The following SHANK2 variants were observed in gnomAD, a reference collection of about 807,000 sequenced individuals.
SHANK2 encodes SH3 and multiple ankyrin repeat domains 2.
Under a neutral mutation model 133.7 loss-of-function variants are expected in SHANK2, and 43 were observed. That is an observed-to-expected ratio of 0.32 (90% CI 0.25 to 0.41). The LOEUF is 0.41. Ranked by LOEUF, SHANK2 falls within the 10% of genes least tolerant of loss-of-function variation. The pLI is 1.00. For synonymous variants in SHANK2, 1,017 were observed against 952.8 expected, an observed-to-expected ratio of 1.07 and a Z score of -1.24; for missense variants, 1,994 against 2,235.8, an observed-to-expected ratio of 0.89 and a Z score of 2.18.
At chr11:70,808,516 T>C (rs2135278581) in intron 12 of SHANK2, among the ~76,000 whole-genome samples, 1 of 147,714 alleles carries the variant, frequency 6.8e-6, no homozygotes. Flanking sequence ...TTGCCACTAT[T>C]TTAAAAAAGA....
At chr11:71,095,815 A>G (rs1179902936) in intron 6 of SHANK2, among the ~76,000 whole-genome samples, 3 of 152,238 alleles carry the variant, frequency 2.0e-5, no homozygotes, top group Admixed American at 6.5e-5. Flanking sequence ...TGATATGCAC[A>G]TGCTTAACCC....
At chr11:70,733,568 T>C (rs782787456) in intron 14 of SHANK2, among the ~76,000 whole-genome samples, 13 of 152,242 alleles carry the variant, frequency 8.5e-5, no homozygotes, top group Admixed American at 2.6e-4. Context: ...ATGGGGGTAC[T>C]GTCTGTGGCT....
intron 14 of SHANK2, among the ~76,000 whole-genome samples, chr11:70,700,647 C>T (rs1410731487): frequency 1.3e-5 from 2 of 152,184 alleles, no homozygotes; most frequent in African/African-American, 4.8e-5. Flanking sequence ...TCCCTGGCAT[C>T]CAGCATCTTG....
intron 1 of SHANK2, among the ~76,000 whole-genome samples, chr11:71,248,548 A>G (rs1346086596): frequency 1.3e-5 from 2 of 152,170 alleles, no homozygotes; most frequent in Admixed American, 1.3e-4. Flanking sequence ...AATGAATCGG[A>G]GCTGGCTCAT....
At chr11:71,185,879 A>G (rs1346570486) in intron 2 of SHANK2, among the ~76,000 whole-genome samples, 1 of 152,024 alleles carries the variant, frequency 6.6e-6, no homozygotes, top group East Asian at 1.9e-4. Flanking sequence ...GTGGGTGGGG[A>G]AAGAACAGCA....
chr11:70,716,950 G>C (rs1227477004), intron 14 of SHANK2, among the ~76,000 whole-genome samples: 1 of 142,576 alleles, frequency 7.0e-6, no homozygotes, highest in Admixed American at 7.1e-5. Flanking sequence ...GCTCTCCTCG[G>C]CCTTTGTGGG....
At chr11:70,919,408 G>A (rs1950316724) in intron 10 of SHANK2, among the ~76,000 whole-genome samples, 1 of 150,268 alleles carries the variant, frequency 6.7e-6, no homozygotes, top group Non-Finnish European at 1.5e-5. Flanking sequence ...TTGAGACCGA[G>A]TCTCACTCTG....
At chr11:70,876,243 G>GACACACACACACACACACAC (rs3064243) in intron 11 of SHANK2, among the ~76,000 whole-genome samples, 2 of 134,830 alleles carry the variant, frequency 1.5e-5, no homozygotes, top group Admixed American at 7.5e-5. Flanking sequence ...CACACATATA[G>GACACACACACACACACACAC]ACACACACAC....
At chr11:71,144,878 C>T (rs1171752310) in intron 3 of SHANK2, among the ~76,000 whole-genome samples, 11 of 152,314 alleles carry the variant, frequency 7.2e-5, no homozygotes, top group East Asian at 3.9e-4. Context: ...TTTGAGCCCA[C>T]GCTTACCAAG....
chr11:70,545,309 G>C (rs1199461480), intron 17 of SHANK2, among the ~76,000 whole-genome samples: 1 of 152,226 alleles, frequency 6.6e-6, no homozygotes, highest in Non-Finnish European at 1.5e-5. Flanking sequence ...GCTCCTGCCT[G>C]TCTGCAGCTC....
At chr11:71,246,700 G>T (rs1359381277) in intron 1 of SHANK2, among the ~76,000 whole-genome samples, 2 of 152,092 alleles carry the variant, frequency 1.3e-5, no homozygotes, top group Non-Finnish European at 2.9e-5. Context: ...ACATCCCTGA[G>T]GCTCTTTTAC....
chr11:71,094,572 T>C lies in SHANK2; in HGVS notation c.709A>G (p.Lys237Glu). The C allele has an allele frequency of 6.4e-7, 1 of 1,551,582 alleles. No individual in the cohort carries two copies. The highest frequency in any genetic ancestry group is 8.7e-7 in the Non-Finnish European group (1 of 1,146,942). Residue 237 changes from lysine to glutamate, a missense_variant, in exon 7 of 26, where the codon AAA (lysine) becomes GAA (glutamate). Around this residue, in one of 5 missense-constraint regions of SHANK2, gnomAD observed 653 missense variants for 563.4 expected, o/e 1.16. Transcript: ENST00000601538. Reference sequence around the variant, plus strand: ...ACTTGGTTCCTCGCTCGGGCAGCTTTGTGTAGGGCGGTCATCCCATCTTTG... The same window carrying C: ...ACTTGGTTCCTCGCTCGGGCAGCTTCGTGTAGGGCGGTCATCCCATCTTTG... ...RAKDGMTALH[K>E]AARARNQVAL... is the part of the protein sequence containing the mutation.
intron 14 of SHANK2, among the ~76,000 whole-genome samples, chr11:70,742,949 G>A (rs1555035085): frequency 6.6e-6 from 1 of 152,206 alleles, no homozygotes. Flanking sequence ...CTCCTGGCCT[G>A]GCGTCCTTGG....
At position 70,468,488 on chromosome 11, in the gene SHANK2, G is replaced by A. The variant is rs2058560041; in HGVS notation, c.*4381C>T. On this transcript the variant is annotated 3_prime_UTR_variant, in exon 26 of 26. Coordinates refer to ENST00000601538, the MANE Select transcript of SHANK2 (RefSeq NM_012309.5). ...CTGTGGAATGTTCACCTACTTGCAT[G>A]GGTTCATGGTTGTCTACAAATACAG... is the stretch of plus-strand genomic sequence containing the variant. The A allele has an allele frequency of 6.6e-6, 1 of 152,192 alleles. No individual in the cohort carries two copies. Among genetic ancestry groups the A allele is most frequent in the Admixed American group, 6.5e-5 (1 of 15,282 alleles). The allele number at this position is 152,192 out of a possible 1,614,324, so 9.4% of individuals were successfully genotyped here.
At chr11:71,244,264 G>T (rs1433990009) in intron 1 of SHANK2, among the ~76,000 whole-genome samples, 2 of 152,248 alleles carry the variant, frequency 1.3e-5, no homozygotes, top group African/African-American at 4.8e-5. Context: ...CACAATCAGA[G>T]GGCCTGCCCC....
At position 70,852,773 on chromosome 11, in the gene SHANK2, G is replaced by A. The variant is rs533725387; in HGVS notation, c.1175-32091C>T. ...CAGGAGAATCGCTTGAACCCAGGAG[G>A]CGGAGGTTGTGGTGAGCCGAGATCA... On this transcript the variant is annotated intron_variant, in intron 11 of 25. Coordinates refer to ENST00000601538, the MANE Select transcript of SHANK2 (RefSeq NM_012309.5). Among the ~76,000 whole-genome samples the A allele has an allele frequency of 3.3e-5, 5 of 152,338 alleles. No individual in the cohort carries two copies. In the South Asian group the frequency reaches 1.0e-3, roughly 32 times the overall value.
At chr11:70,878,045 A>T (rs1184246448) in intron 11 of SHANK2, among the ~76,000 whole-genome samples, 4 of 152,232 alleles carry the variant, frequency 2.6e-5, no homozygotes, top group African/African-American at 9.6e-5. Context: ...AGCGGTTCTG[A>T]GAATGGCTCA....
chr11:70,761,055 G>A lies in SHANK2; in HGVS notation c.1777+37388C>T, dbSNP rs782696381. ...GGAGAGGCCCCACTGGGAGGAGAGC[G>A]TGGGACCCTCCTCTATCAGTGTGCT... is the stretch of plus-strand genomic sequence containing the variant. On this transcript the variant is annotated intron_variant, in intron 14 of 25. Transcript: ENST00000601538. Among the ~76,000 whole-genome samples, 13 of 152,180 alleles carry A rather than the reference G, an allele frequency of 8.5e-5. 1 individual carries two copies. Among genetic ancestry groups the A allele is most frequent in the South Asian group, 6.2e-4 (3 of 4,832 alleles).
At chr11:70,640,290 G>T (rs576788270) in intron 17 of SHANK2, among the ~76,000 whole-genome samples, 1 of 152,212 alleles carries the variant, frequency 6.6e-6, no homozygotes, top group Non-Finnish European at 1.5e-5. Context: ...AGAGAGGCAG[G>T]GGGAGATTTG....
Sources: allele counts gnomAD v4.1 joint callset (sites outside exome capture counted in the v4.1 genomes callset), GRCh38; gene constraint gnomAD v4.1.1; regional missense constraint gnomAD v4.1.1; transcripts MANE v1.5; gene names NCBI Gene and HGNC (gene_info 2026-07-23, HGNC 2026-07-21).